PBX1: variants seen among roughly 807,000 people sequenced by gnomAD.
PBX1 encodes the protein pre-B-cell leukemia transcription factor 1.
PBX1 carries 6 observed loss-of-function variants against 53.4 expected under a neutral mutation model. That is an observed-to-expected ratio of 0.11 (90% CI 0.06 to 0.22). The LOEUF is 0.22. Among genes scored for constraint, PBX1 ranks in the 10% least tolerant of loss-of-function variants. The pLI, the probability that PBX1 is intolerant of heterozygous loss-of-function variation, is 1.00. For synonymous variants in PBX1, 204 were observed against 212.3 expected (o/e 0.96, Z 0.34); for missense variants, 251 against 551.4 (o/e 0.46, Z 5.46).
downstream of PBX1, among the ~76,000 whole-genome samples, chr1:164,852,942 AG>A (rs1671891846): frequency 6.6e-6 from 1 of 152,212 alleles, no homozygotes; most frequent in Non-Finnish European, 1.5e-5. Context: ...ATGGAAAATT[AG>A]GGGCTAACTC....
intron 2 of PBX1, among the ~76,000 whole-genome samples, chr1:164,722,848 T>C (rs1664484559): frequency 6.6e-6 from 1 of 152,208 alleles, no homozygotes; most frequent in Non-Finnish European, 1.5e-5. Context: ...CCCAGGGTGA[T>C]TTCCAAGAGG....
At chr1:164,822,725 A>G (rs1404543907) in intron 8 of PBX1, among the ~76,000 whole-genome samples, 1 of 152,216 alleles carries the variant, frequency 6.6e-6, no homozygotes, top group Admixed American at 6.5e-5. Flanking sequence ...TGGGGGTTAC[A>G]TAGTAGTGTA....
chr1:164,596,230 C>T (rs1485290977), intron 2 of PBX1, among the ~76,000 whole-genome samples: 1 of 152,054 alleles, frequency 6.6e-6, no homozygotes, highest in East Asian at 1.9e-4. Context: ...ATTAGGGTCT[C>T]ACATTGACAT....
intron 6 of PBX1, chr1:164,819,204 T>C (rs1369075624): frequency 6.6e-6 from 1 of 152,182 alleles, no homozygotes; most frequent in African/African-American, 2.4e-5. Flanking sequence ...GTGGAACCAG[T>C]GGAACCTGGG....
At chr1:164,724,407 G>A (rs1664573592) in intron 2 of PBX1, among the ~76,000 whole-genome samples, 1 of 152,156 alleles carries the variant, frequency 6.6e-6, no homozygotes, top group Non-Finnish European at 1.5e-5. Context: ...GGGCCACAAT[G>A]GAAGAAGATG....
rs117437367 is a variant in PBX1 at position 164,711,586 on chromosome 1, A to G, written c.266-80908A>G. 5.4e-3 allele frequency among the ~76,000 whole-genome samples: 818 copies of G among 152,224 alleles called. 17 individuals are homozygous for G. The East Asian group carries it at 0.071, about 13-fold the overall frequency. On this transcript the variant is annotated intron_variant, in intron 2 of 8. Coordinates refer to ENST00000420696, the MANE Select transcript of PBX1 (RefSeq NM_002585.4). ...CTAGTTTTCTCTTTTTGTCGTGTCTACCTTCCTACTTGCCTCACACCAGTC... is the reference window on the plus strand; with the variant it reads ...CTAGTTTTCTCTTTTTGTCGTGTCTGCCTTCCTACTTGCCTCACACCAGTC...
rs553226112 is a variant in PBX1 at position 164,773,321 on chromosome 1, AC to A, written c.266-19171del. Among the ~76,000 whole-genome samples, 1,243 of 151,268 alleles carry A rather than the reference AC, an allele frequency of 8.2e-3. 9 individuals are homozygous for A. The highest frequency in any genetic ancestry group is 0.027 in the South Asian group (128 of 4,784). Reference sequence around the variant, plus strand: ...TCTTGCCTTCCACTGTCAGATCGTAACCTGATAGACTGAATTGAGTGACCCA... The same window carrying A: ...TCTTGCCTTCCACTGTCAGATCGTAACTGATAGACTGAATTGAGTGACCCA... On this transcript the variant is annotated intron_variant, in intron 2 of 8. Transcript: ENST00000420696.
intron 2 of PBX1, among the ~76,000 whole-genome samples, chr1:164,598,157 A>G (rs1006837773): frequency 2.0e-5 from 3 of 152,212 alleles, no homozygotes; most frequent in African/African-American, 7.2e-5. Flanking sequence ...TAGGATAGCA[A>G]TGTTAATCCA....
intron 8 of PBX1, among the ~76,000 whole-genome samples, chr1:164,845,678 T>A (rs915151029): frequency 6.6e-6 from 1 of 152,218 alleles, no homozygotes; most frequent in Non-Finnish European, 1.5e-5. Context: ...CAGATTTTTT[T>A]AGAACAGTTT....
At chr1:164,819,209 C>G (rs992868001) in intron 6 of PBX1, 4 of 152,118 alleles carry the variant, frequency 2.6e-5, no homozygotes, top group African/African-American at 9.7e-5. Context: ...ACCAGTGGAA[C>G]CTGGGTGGTG....
At position 164,675,449 on chromosome 1, in the gene PBX1, C is replaced by T. The variant is rs565532013; in HGVS notation, c.265+112138C>T. ...TAATCATGTTTGTCTGTCTTCCTAG[C>T]TCCTCTCTGGGGGAGGCAGCAGTCT... On this transcript the variant is annotated intron_variant, in intron 2 of 8. Coordinates refer to ENST00000420696, the MANE Select transcript of PBX1 (RefSeq NM_002585.4). Among the ~76,000 whole-genome samples, 7 of 152,286 alleles carry T rather than the reference C, an allele frequency of 4.6e-5. No individual in the cohort carries two copies. The South Asian group carries it at 1.5e-3, about 32-fold the overall frequency.
intron 2 of PBX1, among the ~76,000 whole-genome samples, chr1:164,768,356 A>G (rs1667180577): frequency 6.6e-6 from 1 of 152,154 alleles, no homozygotes; most frequent in Non-Finnish European, 1.5e-5. Flanking sequence ...CTGAATTCCA[A>G]CACAAGAAGC....
intron 8 of PBX1, among the ~76,000 whole-genome samples, chr1:164,846,353 A>T (rs967751087): frequency 6.6e-6 from 1 of 152,144 alleles, no homozygotes; most frequent in Admixed American, 6.5e-5. Flanking sequence ...TAAACACATC[A>T]TACTAGTGGG....
At chr1:164,600,547 CCT>C (rs879792137) in intron 2 of PBX1, among the ~76,000 whole-genome samples, 5 of 152,228 alleles carry the variant, frequency 3.3e-5, no homozygotes, top group Non-Finnish European at 5.9e-5. Flanking sequence ...CTGCGCCTAG[CCT>C]ACTACTGCTT....
intron 2 of PBX1, among the ~76,000 whole-genome samples, chr1:164,687,932 C>CT (rs1419842015): frequency 1.3e-5 from 2 of 152,212 alleles, no homozygotes; most frequent in African/African-American, 4.8e-5. Flanking sequence ...CTTGCTAACT[C>CT]TCCCCAGCTG....
intron 2 of PBX1, among the ~76,000 whole-genome samples, chr1:164,655,100 G>GTTTTTTTTTTTTTTTTTTTTTTTT (rs35954587): frequency 3.6e-5 from 5 of 138,822 alleles, no homozygotes; most frequent in Non-Finnish European, 4.6e-5. Flanking sequence ...TCTGATGTGT[G>GTTTTTTTTTTTTTTTTTTTTTTTT]TTTTTTTTTT....
At chr1:164,839,183 T>C (rs1368208790) in intron 8 of PBX1, among the ~76,000 whole-genome samples, 2 of 152,176 alleles carry the variant, frequency 1.3e-5, no homozygotes, top group Non-Finnish European at 2.9e-5. Context: ...AGGTCCCTCT[T>C]TTGTACTGTC....
chr1:164,666,002 G>T lies in PBX1; in HGVS notation c.265+102691G>T, dbSNP rs1387660780. Among the ~76,000 whole-genome samples, 6 of 152,278 alleles carry T rather than the reference G, an allele frequency of 3.9e-5. No individual in the cohort carries two copies. In the East Asian group the frequency reaches 1.2e-3, roughly 29 times the overall value. On this transcript the variant is annotated intron_variant, in intron 2 of 8. Coordinates refer to ENST00000420696, the MANE Select transcript of PBX1 (RefSeq NM_002585.4). ...ATTATCAAAATTGTCGTGCCTTAAA[G>T]ATATTAGGCAGCCATAAAATTTTCG...
At chr1:164,855,266 T>G (rs1195245353), downstream of PBX1, among the ~76,000 whole-genome samples, 4 of 152,248 alleles carry the variant, frequency 2.6e-5, no homozygotes, top group East Asian at 5.8e-4. Flanking sequence ...TAAATTAAAA[T>G]TCAAAGGAAT....
Sources: allele counts gnomAD v4.1 joint callset (sites outside exome capture counted in the v4.1 genomes callset), GRCh38; gene constraint gnomAD v4.1.1; transcripts MANE v1.5; gene names NCBI Gene and HGNC (gene_info 2026-07-23, HGNC 2026-07-21).